UST: variants seen among roughly 807,000 people sequenced by gnomAD.
UST encodes the protein uronyl 2-sulfotransferase, also known as chondroitin sulfate 2-O-sulfotransferase.
Under a neutral mutation model 45.6 loss-of-function variants are expected in UST, and 21 were observed. The ratio of observed to expected loss-of-function variants is 0.46; its 90% confidence interval spans 0.33 to 0.66. The LOEUF (loss-of-function observed/expected upper bound fraction) is 0.66. Among genes scored for constraint, UST ranks in the 30% least tolerant of loss-of-function variants. UST has a pLI of 0.02. For synonymous variants in UST, 215 were observed against 200.6 expected (o/e 1.07, Z -0.61); for missense variants, 463 against 512.4 (o/e 0.90, Z 0.93).
intron 5 of UST, among the ~76,000 whole-genome samples, chr6:148,972,664 T>G (rs1780940718): frequency 6.6e-6 from 1 of 152,248 alleles, no homozygotes. Flanking sequence ...TCATCTGCTG[T>G]GAGCCCCGCC....
chr6:148,878,882 G>A (rs1387562633), intron 1 of UST, among the ~76,000 whole-genome samples: 1 of 151,884 alleles, frequency 6.6e-6, no homozygotes, highest in East Asian at 1.9e-4. Flanking sequence ...AGTGTCTCCA[G>A]GACTGACAGA....
In UST at chr6:149,016,896, A is replaced by G. The variant is rs1367041597; in HGVS notation, c.682-2243A>G. On this transcript the variant is annotated intron_variant, in intron 5 of 7. Transcript: ENST00000367463. ...GTTGCCACTGCTGCAGAGGGAGGCCACCAGGGTTATTGGGTCCCTCGGACT... is the reference window on the plus strand; with the variant it reads ...GTTGCCACTGCTGCAGAGGGAGGCCGCCAGGGTTATTGGGTCCCTCGGACT... Among the ~76,000 whole-genome samples the G allele has an allele frequency of 2.6e-5, 4 of 152,172 alleles. No homozygotes were observed. The East Asian group carries it at 7.7e-4, about 29-fold the overall frequency.
intron 1 of UST, among the ~76,000 whole-genome samples, chr6:148,815,674 C>T (rs1191169830): frequency 1.3e-5 from 2 of 151,822 alleles, no homozygotes; most frequent in South Asian, 2.1e-4. Context: ...GAAAGAAAAA[C>T]AAAAACAAAA....
At chr6:148,879,941 C>CTTTTT (rs767195786) in intron 1 of UST, among the ~76,000 whole-genome samples, 1 of 109,912 alleles carries the variant, frequency 9.1e-6, no homozygotes, top group Non-Finnish European at 2.0e-5. Flanking sequence ...TTTCTTTTTT[C>CTTTTT]TTTTTTTTTT....
chr6:149,067,775 A>G (rs753980278), intron 7 of UST, among the ~76,000 whole-genome samples: 35 of 152,216 alleles, frequency 2.3e-4, no homozygotes, highest in Non-Finnish European at 4.7e-4. Context: ...CTTTCCAGTC[A>G]TAGAGTCGAT....
chr6:148,964,660 T>A, intron 5 of UST, 97 bp downstream of exon 5: 2 of 1,489,614 alleles, frequency 1.3e-6, no homozygotes, highest in Non-Finnish European at 1.8e-6. Context: ...GGCCTTCTCC[T>A]TGGCGCCTCC....
chr6:148,756,243 G>A (rs890557693), intron 1 of UST, among the ~76,000 whole-genome samples: 15 of 151,942 alleles, frequency 9.9e-5, no homozygotes, highest in Non-Finnish European at 2.1e-4. Flanking sequence ...TTTCCCCTTT[G>A]CTCAGCACTT....
intron 2 of UST, among the ~76,000 whole-genome samples, chr6:148,900,917 C>T (rs1242742161): frequency 2.6e-5 from 4 of 152,160 alleles, no homozygotes; most frequent in East Asian, 1.9e-4. Context: ...ACTTATGTCT[C>T]CTTTATCTTC....
At chr6:148,966,680 G>A (rs1323935080) in intron 5 of UST, among the ~76,000 whole-genome samples, 1 of 152,224 alleles carries the variant, frequency 6.6e-6, no homozygotes. Context: ...GCAATCATTA[G>A]AGAGAAAGGT....
At chr6:148,914,519 T>C (rs928548293) in intron 2 of UST, among the ~76,000 whole-genome samples, 1 of 152,176 alleles carries the variant, frequency 6.6e-6, no homozygotes, top group African/African-American at 2.4e-5. Context: ...TCGTAGTCTT[T>C]TCTATGATAT....
intron 1 of UST, among the ~76,000 whole-genome samples, chr6:148,751,592 G>A (rs1370530911): frequency 4.6e-5 from 7 of 152,222 alleles, no homozygotes; most frequent in Non-Finnish European, 7.3e-5. Context: ...TGATGGGGAG[G>A]AAAATCATGC....
At chr6:148,980,350 C>T (rs906529661) in intron 5 of UST, among the ~76,000 whole-genome samples, 5 of 152,186 alleles carry the variant, frequency 3.3e-5, no homozygotes, top group Non-Finnish European at 5.9e-5. Context: ...GCCAACACCA[C>T]AGTCTTTAAC....
At chr6:148,904,631 C>T (rs969476014) in intron 2 of UST, among the ~76,000 whole-genome samples, 1 of 152,132 alleles carries the variant, frequency 6.6e-6, no homozygotes, top group Admixed American at 6.5e-5. Context: ...TCAAGCGATT[C>T]TCCTGCCTCA....
chr6:148,933,384 A>C (rs1779958494), intron 2 of UST, among the ~76,000 whole-genome samples: 1 of 152,200 alleles, frequency 6.6e-6, no homozygotes, highest in Non-Finnish European at 1.5e-5. Flanking sequence ...ACCCAGATGG[A>C]CTTGTAAATG....
intron 1 of UST, among the ~76,000 whole-genome samples, chr6:148,820,825 C>T (rs1294762073): frequency 6.8e-6 from 1 of 146,524 alleles, no homozygotes; most frequent in Non-Finnish European, 1.5e-5. Context: ...TGCACTCCAG[C>T]CTGGGCAACA....
chr6:148,813,385 A>AT (rs61560066), intron 1 of UST, among the ~76,000 whole-genome samples: 47,850 of 146,840 alleles, frequency 0.33, 7,827 homozygotes, highest in South Asian at 0.51. Flanking sequence ...TAACAGAATA[A>AT]TTTTTTTTTT....
intron 3 of UST, among the ~76,000 whole-genome samples, chr6:148,946,674 C>T (rs1240446852): frequency 6.7e-6 from 1 of 150,258 alleles, no homozygotes; most frequent in African/African-American, 2.5e-5. Context: ...ATTAGCCGGG[C>T]GTGGTGGCGG....
At chr6:148,770,725 G>A (rs1776409861) in intron 1 of UST, among the ~76,000 whole-genome samples, 1 of 152,136 alleles carries the variant, frequency 6.6e-6, no homozygotes, top group Non-Finnish European at 1.5e-5. Flanking sequence ...CCTCTCCTGA[G>A]TGGTGGGTGT....
intron 1 of UST, among the ~76,000 whole-genome samples, chr6:148,828,008 T>A (rs966011778): frequency 3.3e-5 from 5 of 152,028 alleles, no homozygotes; most frequent in African/African-American, 4.8e-5. Context: ...ATAGAGGTTG[T>A]CAAATGTTGC....
Sources: allele counts gnomAD v4.1 joint callset (sites outside exome capture counted in the v4.1 genomes callset), GRCh38; gene constraint gnomAD v4.1.1; transcripts MANE v1.5; gene names NCBI Gene and HGNC (gene_info 2026-07-23, HGNC 2026-07-21).